CCDC102B: variants seen among roughly 807,000 people sequenced by gnomAD.
CCDC102B encodes the protein coiled-coil domain-containing protein 102B.
A neutral mutation model predicts 57.4 loss-of-function variants in CCDC102B; 75 were observed. The observed-to-expected ratio is 1.31, with a 90% CI of 1.08 to 1.58. The LOEUF is 1.58. CCDC102B is among the 40% of genes most tolerant of loss of function. CCDC102B has a pLI of 0.00. For missense variants in CCDC102B, 636 were observed against 582.6 expected (o/e 1.09, Z -0.94); for synonymous variants, 206 against 201.9 (o/e 1.02, Z -0.17).
chr18:68,771,600 GGA>G lies in CCDC102B; in HGVS notation c.-66-51765_-66-51764del, dbSNP rs547495692. ...GATAAGGAGGTTTGGAGAAATCTTG[GGA>G]CCACTTCTCTGTAAGCGAGGAGCGG... On this transcript the variant is annotated intron_variant, in intron 2 of 3. Transcript: ENST00000578970. Among the ~76,000 whole-genome samples, 476 of 152,230 alleles carry G rather than the reference GGA, an allele frequency of 3.1e-3. 2 individuals carry two copies. The highest frequency in any genetic ancestry group is 5.0e-3 in the Non-Finnish European group (339 of 68,004).
intron 6 of CCDC102B, among the ~76,000 whole-genome samples, chr18:68,932,989 A>C (rs542864093): frequency 6.6e-6 from 1 of 152,018 alleles, no homozygotes; most frequent in African/African-American, 2.4e-5. Context: ...TTGACTAAAA[A>C]TATAGTGCAC....
chr18:68,882,472 T>A (rs575398209), intron 5 of CCDC102B, among the ~76,000 whole-genome samples: 1 of 152,346 alleles, frequency 6.6e-6, no homozygotes, highest in African/African-American at 2.4e-5. Flanking sequence ...GATTAGTTCC[T>A]ACACAATCCA....
At chr18:68,911,549 G>A (rs866371300) in intron 6 of CCDC102B, among the ~76,000 whole-genome samples, 5 of 149,812 alleles carry the variant, frequency 3.3e-5, no homozygotes, top group African/African-American at 9.9e-5. Flanking sequence ...TCAGGAGATC[G>A]AGACCATCCT....
At chr18:68,904,383 T>C (rs1021367201) in intron 6 of CCDC102B, among the ~76,000 whole-genome samples, 7 of 152,236 alleles carry the variant, frequency 4.6e-5, no homozygotes, top group Non-Finnish European at 1.0e-4. Flanking sequence ...CTAAGCTACA[T>C]GTAGGTCCTG....
chr18:68,770,927 G>A (rs1283855546), intron 2 of CCDC102B, among the ~76,000 whole-genome samples: 1 of 152,200 alleles, frequency 6.6e-6, no homozygotes, highest in Non-Finnish European at 1.5e-5. Context: ...ATCAAAGGAA[G>A]AATATTTAAT....
chr18:68,718,166 C>T (rs1483935829), intron 2 of CCDC102B: 1 of 152,084 alleles, frequency 6.6e-6, no homozygotes, highest in African/African-American at 2.4e-5. Flanking sequence ...TTATAGAGCA[C>T]CAACAGGCTA....
intron 6 of CCDC102B, among the ~76,000 whole-genome samples, chr18:68,918,959 A>G (rs574824051): frequency 6.6e-6 from 1 of 152,208 alleles, no homozygotes; most frequent in Admixed American, 6.5e-5. Context: ...TCGAATATGT[A>G]TTGTATATAA....
At chr18:68,728,219 G>A (rs190359332) in intron 2 of CCDC102B, among the ~76,000 whole-genome samples, 204 of 152,294 alleles carry the variant, frequency 1.3e-3, no homozygotes, top group African/African-American at 4.6e-3. Context: ...CTGCTTGCCA[G>A]CAGGAGAGGC....
intron 2 of CCDC102B, among the ~76,000 whole-genome samples, chr18:68,781,569 C>T (rs1599451108): frequency 6.6e-6 from 1 of 152,044 alleles, no homozygotes; most frequent in Non-Finnish European, 1.5e-5. Context: ...TTTTGACATC[C>T]GTGACTTCTG....
In CCDC102B at chr18:69,054,742, T is replaced by G; in HGVS notation, c.*605T>G. ...GTAACAGATAACCAGTGATTGAATC[T>G]AAGACAGGCTGTAAGCATCGCTGAG... On this transcript the variant is annotated 3_prime_UTR_variant, in exon 8 of 8. Coordinates refer to ENST00000360242, the MANE Select transcript of CCDC102B (RefSeq NM_024781.3). 2.0e-6 allele frequency: 2 copies of G among 985,310 alleles called. No homozygotes were observed. The highest frequency in any genetic ancestry group is 4.7e-5 in the South Asian group (1 of 21,288). The allele number at this position is 985,310 out of a possible 1,614,324, so 61.0% of individuals were successfully genotyped here. A position where few individuals can be genotyped will look rare whatever the true frequency, so the allele number is the denominator to read the frequency against.
rs73467629 is a variant in CCDC102B, at chr18:68,963,592, T to G, written c.1264-47342T>G. 7.4e-3 allele frequency among the ~76,000 whole-genome samples: 1,119 copies of G among 151,944 alleles called. 19 individuals are homozygous for G. The highest frequency in any genetic ancestry group is 0.024 in the African/African-American group (991 of 41,526). ...TGAGCCCCCTCCCTGGCTCCATCTGTTCTTCACTGTTTTCTATATTGGGAT... is the reference window on the plus strand; with the variant it reads ...TGAGCCCCCTCCCTGGCTCCATCTGGTCTTCACTGTTTTCTATATTGGGAT... On this transcript the variant is annotated intron_variant, in intron 6 of 7. Transcript: ENST00000360242.
intron 6 of CCDC102B, among the ~76,000 whole-genome samples, chr18:68,938,581 A>C (rs1017085846): frequency 1.3e-5 from 2 of 151,854 alleles, no homozygotes; most frequent in Non-Finnish European, 2.9e-5. Context: ...ACCACTTAAG[A>C]ATTTTAGTAT....
chr18:68,797,581 G>T (rs141186548), upstream of CCDC102B, among the ~76,000 whole-genome samples: 18 of 151,878 alleles, frequency 1.2e-4, no homozygotes, highest in East Asian at 3.5e-3. Flanking sequence ...CACAATCAAG[G>T]GTTTTGACAT....
At chr18:68,854,007 A>G (rs562712361) in intron 4 of CCDC102B, among the ~76,000 whole-genome samples, 1 of 152,330 alleles carries the variant, frequency 6.6e-6, no homozygotes, top group African/African-American at 2.4e-5. Context: ...TCCCCTTTGT[A>G]GAATCAAAAA....
chr18:68,718,780 T>G (rs1408278399), intron 2 of CCDC102B, among the ~76,000 whole-genome samples: 1 of 152,220 alleles, frequency 6.6e-6, no homozygotes, highest in Non-Finnish European at 1.5e-5. Context: ...CCCATCAATT[T>G]ACATTTCTCA....
chr18:68,733,508 T>TATATATATATATATATATATA (rs1568222920), intron 2 of CCDC102B, among the ~76,000 whole-genome samples: 1,175 of 90,204 alleles, frequency 0.013, 63 homozygotes, highest in African/African-American at 0.016. Context: ...ATATATATAT[T>TATATATATATATATATATATA]TTTTTAACTT....
At chr18:68,791,385 C>CT (rs746581641) in intron 2 of CCDC102B, among the ~76,000 whole-genome samples, 3 of 152,156 alleles carry the variant, frequency 2.0e-5, no homozygotes, top group Admixed American at 1.3e-4. Flanking sequence ...AAAAGCAGTG[C>CT]TTAGCCTTAT....
intron 1 of CCDC102B, among the ~76,000 whole-genome samples, chr18:68,828,721 T>C (rs2037016917): frequency 6.6e-6 from 1 of 151,690 alleles, no homozygotes; most frequent in Non-Finnish European, 1.5e-5. Flanking sequence ...TTGTTATTTC[T>C]TTTATTTAAA....
chr18:68,738,013 C>T (rs1461745534), intron 2 of CCDC102B, among the ~76,000 whole-genome samples: 1 of 152,002 alleles, frequency 6.6e-6, no homozygotes, highest in Non-Finnish European at 1.5e-5. Flanking sequence ...TTTTGAGGAC[C>T]ATATAATGAC....
Sources: allele counts gnomAD v4.1 joint callset (sites outside exome capture counted in the v4.1 genomes callset), GRCh38; gene constraint gnomAD v4.1.1; transcripts MANE v1.5; gene names NCBI Gene and HGNC (gene_info 2026-07-23, HGNC 2026-07-21).